ESPL1: variants seen among roughly 807,000 people sequenced by gnomAD.
ESPL1 encodes separin.
Under a neutral mutation model 217.2 loss-of-function variants are expected in ESPL1, and 50 were observed. The observed-to-expected ratio is 0.23, with a 90% CI of 0.18 to 0.29. ESPL1 has a LOEUF of 0.29. Among genes scored for constraint, ESPL1 ranks in the 10% least tolerant of loss-of-function variants. ESPL1 has a pLI of 1.00. For synonymous variants in ESPL1, 994 were observed against 1,081.3 expected (o/e 0.92, Z 1.58); for missense variants, 1,834 against 2,603.0 (o/e 0.70, Z 6.43).
chr12:53,292,873 G>A lies in ESPL1; in HGVS notation c.6064G>A (p.Ala2022Thr). The A allele has an allele frequency of 6.2e-7, 1 of 1,613,266 alleles. No homozygotes were observed. Among genetic ancestry groups the A allele is most frequent in the Non-Finnish European group, 8.5e-7 (1 of 1,180,028 alleles). Residue 2022 changes from alanine (A) to threonine (T), a missense_variant, in exon 30 of 31, where the codon GCA (alanine) becomes ACA (threonine). Transcript: ENST00000257934. This position sits in a 1 kb window ranked among gnomAD's most constrained non-coding sequence, Gnocchi z 4.5. ...GGCTGTCCTGCGGCTGAGCTGTCGG[G>A]CAGTGGCCCTGCTGTTTGGCTGTAG... ...GQAVLRLSCR[A>T]VALLFGCSSA...
At chr12:53,275,645 C>T (rs1943754713) in intron 7 of ESPL1, among the ~76,000 whole-genome samples, 1 of 151,744 alleles carries the variant, frequency 6.6e-6, no homozygotes, top group Admixed American at 6.6e-5. Flanking sequence ...ATAGTGGTGA[C>T]AGTGGTCTTG....
At position 53,275,726 on chromosome 12, in the gene ESPL1, CTTTTTTT is replaced by C. The variant is rs560945425; in HGVS notation, c.1700+729_1700+735del. 5.4e-5 allele frequency among the ~76,000 whole-genome samples: 7 copies of C among 129,536 alleles called. No individual in the cohort carries two copies. The Admixed American group carries it at 5.5e-4, about 10-fold the overall frequency. 85.0% of individuals were successfully genotyped at this position (129,536 alleles called of 152,430 possible). ...TACATTTTGCATTTTGTGTCTGTTC[CTTTTTTT>C]TTTTTTTTTTTTAATAGAGACAAGG... is the stretch of plus-strand genomic sequence containing the variant. On this transcript the variant is annotated intron_variant, in intron 7 of 30. Transcript: ENST00000257934.
At chr12:53,281,662 G>A (rs958318603) in intron 13 of ESPL1, 36 bp downstream of exon 13, 2 of 1,593,146 alleles carry the variant, frequency 1.3e-6, no homozygotes, top group Non-Finnish European at 8.6e-7. Flanking sequence ...AAGGCCCTGG[G>A]TATTAGAAAG....
Position 53,269,801 on chromosome 12 carries a change from C to G in ESPL1, c.859C>G (p.Leu287Val), listed in dbSNP as rs781332328. The stretch of plus-strand genomic sequence containing the variant: ...TCACAGTTACCTAAGGAACACCAAT[C>G]TAGCCCCTAGCCTTCAGCTATGTCA... ...KAHSYLRNTN[L>V]APSLQLCQLG... Residue 287 changes from leucine to valine, a missense_variant, in exon 3 of 31, where the codon CTA becomes GTA. Around this residue, in one of 5 missense-constraint regions of ESPL1, gnomAD observed 746 missense variants for 1,077.0 expected, o/e 0.69. Transcript: ENST00000257934. This position sits in a 1 kb window ranked among gnomAD's most constrained non-coding sequence, Gnocchi z 6.7. 2 of 1,614,222 alleles carry G rather than the reference C, an allele frequency of 1.2e-6. No homozygotes were observed. Among genetic ancestry groups the G allele is most frequent in the South Asian group, 2.2e-5 (2 of 91,082 alleles).
At chr12:53,278,403 G>C (rs1157628339) in intron 11 of ESPL1, among the ~76,000 whole-genome samples, 1 of 151,558 alleles carries the variant, frequency 6.6e-6, no homozygotes, top group Non-Finnish European at 1.5e-5. Flanking sequence ...CTTGAGCCAG[G>C]AGGTAGAGGT....
chr12:53,274,918 C>G lies in ESPL1; in HGVS notation c.1608C>G (p.Pro536=), dbSNP rs1191264887. 2 of 1,610,790 alleles carry G rather than the reference C, an allele frequency of 1.2e-6. No homozygotes were observed. The highest frequency in any genetic ancestry group is 1.1e-5 in the South Asian group (1 of 90,588). ...TTTTGTGGCTGGCAGCCCTGCAACC[C>G]TGTAGCCCTGAACACATGGCTGAGC... ...MVILWLAALQ[P]CSPEHMAEPV... The change falls in exon 7 of 31, where the codon CCC becomes CCG. Residue 536 remains proline, a synonymous_variant. Transcript: ENST00000257934.
chr12:53,285,856 A>G (rs1943938684), intron 17 of ESPL1, 68 bp from the exon 18 acceptor site: 8 of 1,356,918 alleles, frequency 5.9e-6, no homozygotes, highest in East Asian at 2.3e-5. Context: ...TTGGGCCCCA[A>G]GGTCGCTCAG....
At chr12:53,275,125 C>A (rs1943743660) in intron 7 of ESPL1, 115 bp downstream of exon 7, 7 of 766,422 alleles carry the variant, frequency 9.1e-6, no homozygotes, top group Non-Finnish European at 1.4e-5. Flanking sequence ...CATGGTGAAA[C>A]CCCGTCTCTA....
In ESPL1 at chr12:53,279,794, C is replaced by T; in HGVS notation, c.2427C>T (p.His809=). The change falls in exon 12 of 31, where the codon CAC becomes CAT. Residue 809 remains histidine, a synonymous_variant. Transcript: ENST00000257934. Reference sequence around the variant, plus strand: ...TTGTCTCTGAGAGACTGAAGGACCACTCGAAGGCAGCTGGCTCCTCCTGCC... The same window carrying T: ...TTGTCTCTGAGAGACTGAAGGACCATTCGAAGGCAGCTGGCTCCTCCTGCC... ...LRIVSERLKD[H]SKAAGSSCHI... is the part of the protein sequence containing the mutation. The T allele has an allele frequency of 6.2e-7, 1 of 1,613,700 alleles. No individual in the cohort carries two copies. The highest frequency in any genetic ancestry group is 8.5e-7 in the Non-Finnish European group (1 of 1,179,848).
intron 14 of ESPL1, 80 bp from the exon 15 acceptor site, chr12:53,283,049 A>T: frequency 6.4e-7 from 1 of 1,567,372 alleles, no homozygotes; most frequent in Non-Finnish European, 8.7e-7. Flanking sequence ...AAGCATGGGA[A>T]GCAGGCTTTG....
Position 53,277,617 on chromosome 12 carries a change from T to A in ESPL1, c.2224+9T>A. The A allele has an allele frequency of 6.2e-7, 1 of 1,613,568 alleles. No homozygotes were observed. Among genetic ancestry groups the A allele is most frequent in the South Asian group, 1.1e-5 (1 of 91,016 alleles). ...CCTGGCTGCAGATGCTGGTGAGGGGTAAATGGAGTGTGGCATGGGCATCTC... is the reference window on the plus strand; with the variant it reads ...CCTGGCTGCAGATGCTGGTGAGGGGAAAATGGAGTGTGGCATGGGCATCTC... On this transcript the variant is annotated intron_variant, in intron 10 of 30. Coordinates refer to ENST00000257934, the MANE Select transcript of ESPL1 (RefSeq NM_012291.5).
rs1262721784 is a variant in ESPL1 at position 53,292,915 on chromosome 12, G to A, written c.6106G>A (p.Val2036Met). Residue 2036 changes from valine to methionine, a missense_variant, in exon 30 of 31, where the codon GTG (valine) becomes ATG (methionine). Transcript: ENST00000257934. This position sits in a 1 kb window ranked among gnomAD's most constrained non-coding sequence, Gnocchi z 4.5. ...LFGCSSAALA[V>M]RGNLEGAGIV... is the part of the protein sequence containing the mutation. The stretch of plus-strand genomic sequence containing the variant: ...TGGCTGTAGCAGTGCGGCCCTGGCT[G>A]TGCGTGGAAACCTGGAGGGGGCTGG... 1.2e-6 allele frequency: 2 copies of A among 1,613,840 alleles called. No individual in the cohort carries two copies. Among genetic ancestry groups the A allele is most frequent in the Admixed American group, 1.7e-5 (1 of 60,006 alleles).
At chr12:53,270,119 T>A (rs922581368) in intron 3 of ESPL1, 34 bp downstream of exon 3, 1 of 1,547,236 alleles carries the variant, frequency 6.5e-7, no homozygotes, top group East Asian at 2.2e-5. Flanking sequence ...GGTGGGGACG[T>A]GGTCTGTGGA....
rs531816231 is a variant in ESPL1, at chr12:53,286,555, C to T, written c.3819C>T (p.Ala1273=). The T allele has an allele frequency of 2.1e-5, 34 of 1,614,128 alleles. No individual in the cohort carries two copies. The South Asian group carries it at 3.6e-4, about 17-fold the overall frequency. ...PWRASLLLIW[A]LTKLGGLSCC... ...GAGCCAGCCTGCTCTTGATTTGGGCCCTCACAAAACTAGGTGGCCTCAGCT... is the reference window on the plus strand; with the variant it reads ...GAGCCAGCCTGCTCTTGATTTGGGCTCTCACAAAACTAGGTGGCCTCAGCT... Residue 1273 remains alanine (A), a synonymous_variant, in exon 18 of 31, where the codon GCC becomes GCT. Transcript: ENST00000257934. The surrounding 1 kb of genome is among the most constrained non-coding windows in gnomAD (Gnocchi z 5.3).
chr12:53,289,461 C>A lies in ESPL1; in HGVS notation c.4980C>A (p.Ser1660Arg). 1 of 1,614,146 alleles carries A rather than the reference C, an allele frequency of 6.2e-7. No homozygotes were observed. Among genetic ancestry groups the A allele is most frequent in the Non-Finnish European group, 8.5e-7 (1 of 1,180,026 alleles). Reference protein sequence around the residue: ...LEIADQLQGLSLQEMPGDVPL... With the variant: ...LEIADQLQGLRLQEMPGDVPL... The stretch of plus-strand genomic sequence containing the variant: ...TAGCAGACCAGCTGCAGGGGCTGAG[C>A]CTTCAGGAGATGCCTGGAGATGTCC... Residue 1660 changes from serine (S) to arginine (R), a missense_variant, in exon 22 of 31, where the codon AGC becomes AGA. Ser to Arg is a moderately radical substitution (Grantham distance 110). Coordinates refer to ENST00000257934, the MANE Select transcript of ESPL1 (RefSeq NM_012291.5).
chr12:53,292,381 C>T lies in ESPL1; in HGVS notation c.5900C>T (p.Ala1967Val). 4 of 1,612,488 alleles carry T rather than the reference C, an allele frequency of 2.5e-6. 1 individual carries two copies. The South Asian group carries it at 3.3e-5, about 13-fold the overall frequency. ...TCAAGCACAGAGGAGCAATTTCGAG[C>T]CAATTTCAGCAGGTCAGGGGCGCGA... ...NLSSTEEQFR[A>V]NFSSEAGWRG... The change falls in exon 28 of 31, where the codon GCC (alanine) becomes GTC (valine). Residue 1967 changes from alanine to valine, a missense_variant. Ala to Val is a moderately conservative substitution (Grantham distance 64). Transcript: ENST00000257934. This position sits in a 1 kb window ranked among gnomAD's most constrained non-coding sequence, Gnocchi z 4.5.
chr12:53,291,639 C>T, intron 25 of ESPL1, 51 bp from the exon 26 acceptor site: 1 of 1,558,978 alleles, frequency 6.4e-7, no homozygotes, highest in Non-Finnish European at 8.7e-7. Context: ...AATCCTTTCC[C>T]AGCAGCTATC....
rs1943736975 is a variant in ESPL1 at position 53,274,797 on chromosome 12, T to C, written c.1507-20T>C. 1.2e-6 allele frequency: 2 copies of C among 1,610,076 alleles called. No homozygotes were observed. The highest frequency in any genetic ancestry group is 3.3e-5 in the Admixed American group (2 of 59,938). ...TCACTGGTTCCTCTCCAGTTTGGTC[T>C]GTTCCCTTTCTCTGGTCAGTTGCAC... On this transcript the variant is annotated intron_variant, in intron 6 of 30. Coordinates refer to ENST00000257934, the MANE Select transcript of ESPL1 (RefSeq NM_012291.5).
Position 53,290,411 on chromosome 12 carries a change from G to T in ESPL1, c.5306G>T (p.Ser1769Ile), listed in dbSNP as rs143994085. The T allele has an allele frequency of 1.9e-4, 314 of 1,613,478 alleles. No individual in the cohort carries two copies. The highest frequency in any genetic ancestry group is 1.3e-3 in the Middle Eastern group (8 of 6,060). ...CAGAAGGCACAGAAAGAGAACAGCA[G>T]CTGTACTGACAAGCGAGAATGGTGG... ...AIQKAQKENS[S>I]CTDKREWWTG... Residue 1769 changes from serine to isoleucine, a missense_variant, in exon 24 of 31, where the codon AGC becomes ATC. Ser to Ile is a moderately radical substitution (Grantham distance 142). This residue lies in a region of ESPL1 where 295 missense variants were observed against 519.8 expected (regional missense o/e 0.57). Transcript: ENST00000257934.
Sources: gnomAD v4.1 joint callset for allele counts (sites outside exome capture counted in the v4.1 genomes callset) on GRCh38, gnomAD v4.1.1 for gene constraint, gnomAD v4.1.1 regional missense constraint, Gnocchi (gnomAD v3.1) non-coding constraint, MANE v1.5 for transcripts, NCBI Gene and HGNC (gene_info 2026-07-23, HGNC 2026-07-21) for gene names.